Variants in LRRIQ3 observed in about 807,000 individuals in gnomAD.
LRRIQ3 encodes leucine-rich repeat and IQ domain-containing protein 3.
Under a neutral mutation model 59.3 loss-of-function variants are expected in LRRIQ3, and 75 were observed. The observed-to-expected ratio is 1.26, with a 90% CI of 1.05 to 1.53. LRRIQ3 has a LOEUF of 1.53. Among genes scored for constraint, LRRIQ3 ranks in the 40% most tolerant of loss-of-function variants. LRRIQ3 has a pLI of 0.00. For synonymous variants in LRRIQ3, 250 were observed against 231.3 expected, an observed-to-expected ratio of 1.08 and a Z score of -0.73; for missense variants, 831 against 710.0, an observed-to-expected ratio of 1.17 and a Z score of -1.94.
intron 5 of LRRIQ3, among the ~76,000 whole-genome samples, chr1:74,104,960 A>C (rs1274150321): frequency 6.6e-6 from 1 of 152,042 alleles, no homozygotes; most frequent in Non-Finnish European, 1.5e-5. Flanking sequence ...TGCTCTAACA[A>C]ATAAAGTTTA....
intron 4 of LRRIQ3, among the ~76,000 whole-genome samples, chr1:74,135,082 C>T (rs573400869): frequency 6.6e-6 from 1 of 151,866 alleles, no homozygotes; most frequent in African/African-American, 2.4e-5. Flanking sequence ...ATAAGAGTGA[C>T]TATAAGAAGC....
At chr1:74,098,434 G>C (rs1646480732) in intron 5 of LRRIQ3, among the ~76,000 whole-genome samples, 1 of 152,078 alleles carries the variant, frequency 6.6e-6, no homozygotes, top group Non-Finnish European at 1.5e-5. Flanking sequence ...GAGAGACTTA[G>C]ACTCCGACAC....
intron 5 of LRRIQ3, among the ~76,000 whole-genome samples, chr1:74,105,532 C>T (rs558173016): frequency 8.6e-5 from 13 of 151,962 alleles, no homozygotes; most frequent in African/African-American, 2.4e-4. Context: ...AGATTACAGA[C>T]GTGAGCCACC....
chr1:74,095,185 G>C (rs996412197), intron 5 of LRRIQ3: 1 of 152,092 alleles, frequency 6.6e-6, no homozygotes, highest in South Asian at 2.1e-4. Context: ...GACCACAAGA[G>C]GACCTGCAAA....
At chr1:74,087,311 G>C (rs1315463626) in intron 5 of LRRIQ3, among the ~76,000 whole-genome samples, 6 of 142,348 alleles carry the variant, frequency 4.2e-5, no homozygotes, top group Non-Finnish European at 9.1e-5. Flanking sequence ...CCACAGTTTT[G>C]ATCATATAGT....
At chr1:74,183,331 G>T in intron 2 of LRRIQ3, 105 bp downstream of exon 2, 2 of 1,011,710 alleles carry the variant, frequency 2.0e-6, no homozygotes, top group Non-Finnish European at 1.4e-6. Context: ...TTATATTTTA[G>T]ACAAAAGACC....
chr1:74,063,121 A>AAACAACAAC (rs1012702321), intron 6 of LRRIQ3, among the ~76,000 whole-genome samples: 1 of 151,020 alleles, frequency 6.6e-6, no homozygotes, highest in African/African-American at 2.4e-5. Flanking sequence ...CCCCAAAACC[A>AAACAACAAC]AACAACAACA....
At chr1:74,084,175 C>A (rs2100501809) in intron 5 of LRRIQ3, 1 of 1,547,012 alleles carries the variant, frequency 6.5e-7, no homozygotes, top group East Asian at 2.5e-5. Flanking sequence ...TACACACATC[C>A]AGCCCACTTC....
chr1:74,156,348 T>G (rs1027687639), intron 3 of LRRIQ3, among the ~76,000 whole-genome samples: 21 of 152,276 alleles, frequency 1.4e-4, no homozygotes, highest in African/African-American at 4.8e-4. Context: ...AAAATAAACC[T>G]CTTTTCTTTA....
rs889360138 is a variant in LRRIQ3 at position 74,084,229 on chromosome 1, A to G, written c.868-9439T>C. ...ATTTTTTTTTATCCTGAAGAAAAAT[A>G]CAGTAATAAAGTTTAAAGATGGAAA... On this transcript the variant is annotated intron_variant, in intron 5 of 7. Coordinates refer to ENST00000354431, the MANE Select transcript of LRRIQ3 (RefSeq NM_001105659.2). The G allele has an allele frequency of 1.9e-5, 30 of 1,543,808 alleles. No homozygotes were observed. In the Admixed American group the frequency reaches 3.2e-4, roughly 16 times the overall value.
intron 6 of LRRIQ3, among the ~76,000 whole-genome samples, chr1:74,060,169 T>C (rs1654659711): frequency 6.6e-6 from 1 of 150,434 alleles, no homozygotes; most frequent in African/African-American, 2.5e-5. Flanking sequence ...TTCTTCGTCG[T>C]CATCTTCTTC....
chr1:74,131,360 C>T (rs561209813), intron 4 of LRRIQ3, among the ~76,000 whole-genome samples: 87 of 152,252 alleles, frequency 5.7e-4, no homozygotes, highest in African/African-American at 2.0e-3. Context: ...AGGGAATCCT[C>T]CCTAACTCAT....
intron 5 of LRRIQ3, among the ~76,000 whole-genome samples, chr1:74,078,365 T>TA (rs1204668709): frequency 3.3e-5 from 5 of 151,272 alleles, no homozygotes; most frequent in Admixed American, 2.0e-4. Context: ...AATGAGATAG[T>TA]AAAAAAAACA....
chr1:74,107,614 A>T lies in LRRIQ3; in HGVS notation c.867+1780T>A, dbSNP rs184643858. On this transcript the variant is annotated intron_variant, in intron 5 of 7. Transcript: ENST00000354431. ...AATAATAAAATAAGAATAATGAAAG[A>T]TAATAATAAGAGAATAATATATCAA... Among the ~76,000 whole-genome samples, 14 of 149,936 alleles carry T rather than the reference A, an allele frequency of 9.3e-5. No individual in the cohort carries two copies. In the East Asian group the frequency reaches 2.5e-3, roughly 27 times the overall value.
At chr1:74,061,788 A>G (rs987951667) in intron 6 of LRRIQ3, among the ~76,000 whole-genome samples, 1 of 152,178 alleles carries the variant, frequency 6.6e-6, no homozygotes, top group Admixed American at 6.6e-5. Context: ...TAGTCTCAGC[A>G]GTTTGGGAGG....
At chr1:74,097,288 A>C (rs896951382) in intron 5 of LRRIQ3, among the ~76,000 whole-genome samples, 1 of 152,214 alleles carries the variant, frequency 6.6e-6, no homozygotes, top group South Asian at 2.1e-4. Context: ...AGCCGATTCA[A>C]TCAACTGGAA....
intron 7 of LRRIQ3, among the ~76,000 whole-genome samples, chr1:74,031,476 G>A (rs1457026642): frequency 3.9e-5 from 6 of 152,088 alleles, no homozygotes; most frequent in East Asian, 1.9e-4. Context: ...CATGGATGAA[G>A]CTGGAAACCA....
intron 3 of LRRIQ3, among the ~76,000 whole-genome samples, chr1:74,170,766 G>A (rs560382522): frequency 1.3e-5 from 2 of 152,134 alleles, no homozygotes; most frequent in South Asian, 4.1e-4. Flanking sequence ...CTTTGGGTGG[G>A]ATAGACATTT....
At chr1:74,177,738 T>C (rs893229823) in intron 3 of LRRIQ3, among the ~76,000 whole-genome samples, 6 of 152,004 alleles carry the variant, frequency 3.9e-5, no homozygotes, top group South Asian at 2.1e-4. Context: ...TTACAGATCA[T>C]ACAATTTAAT....
Sources: allele counts gnomAD v4.1 joint callset (sites outside exome capture counted in the v4.1 genomes callset), GRCh38; gene constraint gnomAD v4.1.1; transcripts MANE v1.5; gene names NCBI Gene and HGNC (gene_info 2026-07-23, HGNC 2026-07-21).